The following HTT variants were observed in gnomAD, a reference collection of about 807,000 sequenced individuals.
HTT encodes huntingtin.
A neutral mutation model predicts 362.3 loss-of-function variants in HTT; 104 were observed. That is an observed-to-expected ratio of 0.29 (90% CI 0.24 to 0.34). The LOEUF (loss-of-function observed/expected upper bound fraction) is 0.34. Ranked by LOEUF, HTT falls within the 10% of genes least tolerant of loss-of-function variation. HTT has a pLI of 1.00. For missense variants in HTT, 3,301 were observed against 3,928.6 expected, an observed-to-expected ratio of 0.84 and a Z score of 4.27; for synonymous variants, 1,577 against 1,548.7, an observed-to-expected ratio of 1.02 and a Z score of -0.43.
chr4:3,236,106 G>A (rs374853796), intron 63 of HTT, 43 bp from the exon 64 acceptor site: 1 of 1,364,480 alleles, frequency 7.3e-7, no homozygotes, highest in South Asian at 1.2e-5. Flanking sequence ...GAGCCTATTG[G>A]GTTGTATAGA....
intron 7 of HTT, 119 bp from the exon 8 acceptor site, chr4:3,115,966 G>C (rs548421300): frequency 2.2e-6 from 2 of 930,098 alleles, no homozygotes; most frequent in East Asian, 2.4e-5. Flanking sequence ...TGGCGTACTC[G>C]TTCATGATCA....
At position 3,121,357 on chromosome 4, in the gene HTT, G is replaced by C; in HGVS notation, c.1198G>C (p.Gly400Arg). 1 of 1,614,144 alleles carries C rather than the reference G, an allele frequency of 6.2e-7. No individual in the cohort carries two copies. Among genetic ancestry groups the C allele is most frequent in the Non-Finnish European group, 8.5e-7 (1 of 1,180,006 alleles). ...TCTGCAAACCCTGACCGCAGTCGGG[G>C]GCATTGGGCAGCTCACCGCTGCTAA... ...ELLQTLTAVG[G>R]IGQLTAAKEE... The change falls in exon 9 of 67, where the codon GGC becomes CGC. Residue 400 changes from glycine (G) to arginine (R), a missense_variant. This residue lies in a region of HTT where 2,316 missense variants were observed against 2,658.5 expected (regional missense o/e 0.87). Coordinates refer to ENST00000355072, the MANE Select transcript of HTT (RefSeq NM_001388492.1).
At chr4:3,183,206 A>G (rs1384458690) in intron 37 of HTT, among the ~76,000 whole-genome samples, 4 of 152,354 alleles carry the variant, frequency 2.6e-5, no homozygotes, top group Non-Finnish European at 4.4e-5. Flanking sequence ...CAGAATTTCT[A>G]TGATCAAATG....
chr4:3,132,554 C>T lies in HTT; in HGVS notation c.2237-8C>T. On this transcript the variant is annotated splice_polypyrimidine_tract_variant and splice_region_variant and intron_variant, in intron 16 of 66. Transcript: ENST00000355072. ...ATTGTTCCATGGCTGAGCAATTTAT[C>T]TCCACAGAGGAACAGTATGTCTCAG... 1 of 1,611,358 alleles carries T rather than the reference C, an allele frequency of 6.2e-7. No homozygotes were observed. The highest frequency in any genetic ancestry group is 8.5e-7 in the Non-Finnish European group (1 of 1,177,796).
At chr4:3,162,708 A>G (rs1403581396) in intron 29 of HTT, among the ~76,000 whole-genome samples, 1 of 152,184 alleles carries the variant, frequency 6.6e-6, no homozygotes, top group Non-Finnish European at 1.5e-5. Context: ...GAGTTCACTC[A>G]TGATTTGGCT....
Position 3,180,522 on chromosome 4 carries a change from G to A in HTT, c.4620G>A (p.Pro1540=), listed in dbSNP as rs1445073484. The change falls in exon 36 of 67, where the codon CCG becomes CCA. Residue 1540 remains proline (P), a synonymous_variant. Transcript: ENST00000355072. ...SGRKAVTHAI[P]ALQPIVHDLF... is the part of the protein sequence containing the mutation. ...ACCCTTTTGTCCCCACAGCCATACC[G>A]GCTCTGCAGCCCATAGTCCACGACC... is the stretch of plus-strand genomic sequence containing the variant. 6 of 1,600,874 alleles carry A rather than the reference G, an allele frequency of 3.7e-6. No individual in the cohort carries two copies. The highest frequency in any genetic ancestry group is 2.3e-5 in the East Asian group (1 of 44,102).
chr4:3,130,157 C>A, intron 13 of HTT, 110 bp downstream of exon 13: 2 of 1,210,988 alleles, frequency 1.7e-6, no homozygotes, highest in Non-Finnish European at 2.3e-6. Flanking sequence ...TTTCTGAGTT[C>A]TGAATAGCTG....
chr4:3,140,809 A>G (rs1187370587), intron 22 of HTT, among the ~76,000 whole-genome samples, 153 bp downstream of exon 22: 1 of 152,238 alleles, frequency 6.6e-6, no homozygotes, highest in African/African-American at 2.4e-5. Context: ...GGATATTATC[A>G]TTTTGAGGAT....
At chr4:3,235,900 A>G (rs966780038) in intron 63 of HTT, 122 bp downstream of exon 63, 2 of 829,564 alleles carry the variant, frequency 2.4e-6, no homozygotes, top group Non-Finnish European at 3.9e-6. Flanking sequence ...TGTTGCCCCA[A>G]GCCGGCCCCA....
At chr4:3,187,207 G>C (rs1362400062) in intron 38 of HTT, among the ~76,000 whole-genome samples, 1 of 151,358 alleles carries the variant, frequency 6.6e-6, no homozygotes, top group East Asian at 1.9e-4. Flanking sequence ...CCAGGCTGGA[G>C]TACAGTGGCG....
Position 3,206,621 on chromosome 4 carries a change from T to C in HTT, c.5844T>C (p.Ala1948=). 1 of 1,614,234 alleles carries C rather than the reference T, an allele frequency of 6.2e-7. No homozygotes were observed. Among genetic ancestry groups the C allele is most frequent in the Non-Finnish European group, 8.5e-7 (1 of 1,180,052 alleles). ...TCAGTGCCGTTCATCGGAACTCTGC[T>C]GCCAGCGGCCTGTTCATCCAGGCAA... is the stretch of plus-strand genomic sequence containing the variant. ...DFISAVHRNS[A]ASGLFIQAIQ... Residue 1948 remains alanine (A), a synonymous_variant, in exon 43 of 67, where the codon GCT becomes GCC. Transcript: ENST00000355072. This position sits in a 1 kb window ranked among gnomAD's most constrained non-coding sequence, Gnocchi z 4.6.
At chr4:3,202,812 G>C (rs1012119180) in intron 41 of HTT, among the ~76,000 whole-genome samples, 2 of 152,088 alleles carry the variant, frequency 1.3e-5, no homozygotes, top group South Asian at 2.1e-4. Context: ...GGGAGTTCAA[G>C]ACTAGCCTGG....
chr4:3,197,442 C>T (rs1719303243), intron 40 of HTT, among the ~76,000 whole-genome samples: 1 of 152,078 alleles, frequency 6.6e-6, no homozygotes, highest in South Asian at 2.1e-4. Flanking sequence ...TATGTTCCTC[C>T]TCCCGCTACC....
At position 3,174,788 on chromosome 4, in the gene HTT, C is replaced by T. The variant is rs754826573; in HGVS notation, c.4234C>T (p.Arg1412Cys). The change falls in exon 32 of 67, where the codon CGT becomes TGT. Residue 1412 changes from arginine (R) to cysteine (C), a missense_variant. Around this residue, in one of 4 missense-constraint regions of HTT, gnomAD observed 2,316 missense variants for 2,658.5 expected, o/e 0.87. Coordinates refer to ENST00000355072, the MANE Select transcript of HTT (RefSeq NM_001388492.1). ...KTNLTSVTKNRADKNAIHNHI... is the reference protein window; with the variant it reads ...KTNLTSVTKNCADKNAIHNHI... ...AAACCTCACGAGTGTCACAAAGAAC[C>T]GTGCAGATAAGGTAAATGGTGCCGT... is the stretch of plus-strand genomic sequence containing the variant. 19 of 1,613,834 alleles carry T rather than the reference C, an allele frequency of 1.2e-5. No individual in the cohort carries two copies. Among genetic ancestry groups the T allele is most frequent in the Non-Finnish European group, 1.5e-5 (18 of 1,179,918 alleles).
chr4:3,202,959 C>G (rs1324793926), intron 41 of HTT: 1 of 152,182 alleles, frequency 6.6e-6, no homozygotes, highest in East Asian at 1.9e-4. Context: ...GAGCTATGAT[C>G]GTGCCACTGT....
chr4:3,078,929 G>A (rs1039707130), intron 1 of HTT, among the ~76,000 whole-genome samples: 2 of 152,140 alleles, frequency 1.3e-5, no homozygotes, highest in African/African-American at 4.8e-5. Context: ...TAGAGACGGG[G>A]TTTCACCGTG....
chr4:3,180,016 C>T (rs1718436618), intron 35 of HTT, among the ~76,000 whole-genome samples: 1 of 152,136 alleles, frequency 6.6e-6, no homozygotes, highest in Admixed American at 6.5e-5. Context: ...ATTTTGACTC[C>T]TGTGTTAGAC....
chr4:3,202,372 C>T (rs866273482), intron 41 of HTT, among the ~76,000 whole-genome samples: 3 of 152,112 alleles, frequency 2.0e-5, no homozygotes, highest in Non-Finnish European at 4.4e-5. Flanking sequence ...GCAAATACTG[C>T]CTCTTCTCTT....
In HTT at chr4:3,234,714, G is replaced by T. The variant is rs375354634; in HGVS notation, c.8457-570G>T. ...AGGGGCCGTGTCACGTGCCTCCGAG[G>T]TGGAGGTGGGACCACGTGGTGACAG... On this transcript the variant is annotated intron_variant, in intron 61 of 66. Transcript: ENST00000355072. Among the ~76,000 whole-genome samples the T allele has an allele frequency of 1.4e-4, 21 of 152,216 alleles. No homozygotes were observed. In the East Asian group the frequency reaches 2.1e-3, roughly 15 times the overall value.
Sources: allele counts gnomAD v4.1 joint callset (sites outside exome capture counted in the v4.1 genomes callset), GRCh38; gene constraint gnomAD v4.1.1; regional missense constraint gnomAD v4.1.1; non-coding constraint Gnocchi (gnomAD v3.1); transcripts MANE v1.5; gene names NCBI Gene and HGNC (gene_info 2026-07-23, HGNC 2026-07-21).